IMMP2L: variants seen among roughly 807,000 people sequenced by gnomAD.
The protein encoded by IMMP2L is inner mitochondrial membrane peptidase subunit 2, also known as mitochondrial inner membrane protease subunit 2.
A neutral mutation model predicts 19.3 loss-of-function variants in IMMP2L; 18 were observed. The ratio of observed to expected loss-of-function variants is 0.93; its 90% CI spans 0.64 to 1.38. IMMP2L has a LOEUF of 1.38. IMMP2L is among the 40% of genes most tolerant of loss of function. IMMP2L has a pLI of 0.00. For synonymous variants in IMMP2L, 76 were observed against 73.0 expected, an observed-to-expected ratio of 1.04 and a Z score of -0.21; for missense variants, 233 against 218.2, an observed-to-expected ratio of 1.07 and a Z score of -0.43.
intron 2 of IMMP2L, among the ~76,000 whole-genome samples, chr7:111,518,308 C>T (rs754129645): frequency 1.3e-5 from 2 of 152,070 alleles, no homozygotes; most frequent in Non-Finnish European, 2.9e-5. Context: ...AAGTGAATTT[C>T]CAGTGTAACC....
At chr7:110,927,150 G>A (rs146707695) in intron 4 of IMMP2L, among the ~76,000 whole-genome samples, 226 of 151,374 alleles carry the variant, frequency 1.5e-3, no homozygotes, top group African/African-American at 5.0e-3. Flanking sequence ...CTATTCTCCC[G>A]CCCATCTTTT....
intron 3 of IMMP2L, among the ~76,000 whole-genome samples, chr7:111,074,574 T>C (rs947739946): frequency 7.2e-5 from 11 of 152,212 alleles, no homozygotes; most frequent in African/African-American, 2.7e-4. Context: ...CTCTGAACAA[T>C]ATTTAGATCA....
chr7:111,233,358 C>G (rs767761476), intron 3 of IMMP2L, among the ~76,000 whole-genome samples: 3 of 151,982 alleles, frequency 2.0e-5, no homozygotes, highest in Non-Finnish European at 4.4e-5. Flanking sequence ...ATAAAGACCT[C>G]AAATTGCTTT....
intron 2 of IMMP2L, among the ~76,000 whole-genome samples, chr7:111,504,426 C>T (rs979164005): frequency 6.6e-6 from 1 of 151,490 alleles, no homozygotes; most frequent in African/African-American, 2.4e-5. Context: ...AATGCCATCC[C>T]CATCAAGCTA....
intron 3 of IMMP2L, among the ~76,000 whole-genome samples, chr7:111,468,962 A>G (rs1395953086): frequency 3.9e-5 from 6 of 152,152 alleles, no homozygotes; most frequent in Admixed American, 3.9e-4. Flanking sequence ...AGTCTGAGGA[A>G]TATCATCATA....
At chr7:110,986,430 C>CT (rs1446542978) in intron 3 of IMMP2L, among the ~76,000 whole-genome samples, 4 of 152,100 alleles carry the variant, frequency 2.6e-5, no homozygotes, top group South Asian at 2.1e-4. Context: ...GCATATTTAC[C>CT]TTTTTTAAAG....
At chr7:110,917,222 A>C (rs1180920569) in intron 4 of IMMP2L, among the ~76,000 whole-genome samples, 2 of 152,160 alleles carry the variant, frequency 1.3e-5, no homozygotes, top group Non-Finnish European at 2.9e-5. Context: ...AAGGAAGGGA[A>C]TCTCTGGAGG....
intron 5 of IMMP2L, among the ~76,000 whole-genome samples, chr7:110,713,984 T>G (rs573353210): frequency 1.3e-5 from 2 of 152,308 alleles, no homozygotes; most frequent in Admixed American, 1.3e-4. Flanking sequence ...GTAGTGAGAA[T>G]GGGCATCCTT....
At chr7:111,302,686 A>T (rs1317294125) in intron 3 of IMMP2L, among the ~76,000 whole-genome samples, 1 of 152,162 alleles carries the variant, frequency 6.6e-6, no homozygotes, top group Non-Finnish European at 1.5e-5. Context: ...GTAATGAAAT[A>T]AAGAATTTGT....
At chr7:110,715,225 T>C (rs1456022790) in intron 5 of IMMP2L, among the ~76,000 whole-genome samples, 4 of 152,218 alleles carry the variant, frequency 2.6e-5, no homozygotes, top group Admixed American at 1.3e-4. Context: ...AACCAACTTT[T>C]GGTTTTGTGA....
chr7:111,262,368 G>A (rs1185203350), intron 3 of IMMP2L, among the ~76,000 whole-genome samples: 1 of 152,068 alleles, frequency 6.6e-6, no homozygotes, highest in Non-Finnish European at 1.5e-5. Context: ...CCTGAATGAA[G>A]TGAATGAGCC....
chr7:111,382,301 C>A (rs538971851), intron 3 of IMMP2L, among the ~76,000 whole-genome samples: 4 of 151,162 alleles, frequency 2.6e-5, no homozygotes, highest in African/African-American at 9.8e-5. Flanking sequence ...GAATCAAATA[C>A]AAAAGAAAAG....
chr7:111,450,068 A>G (rs1838962776), intron 3 of IMMP2L, among the ~76,000 whole-genome samples: 1 of 151,910 alleles, frequency 6.6e-6, no homozygotes, highest in Non-Finnish European at 1.5e-5. Flanking sequence ...GGAGGATACA[A>G]ACAAATGGAA....
chr7:111,352,606 A>T (rs1159230186), intron 3 of IMMP2L, among the ~76,000 whole-genome samples: 1 of 152,068 alleles, frequency 6.6e-6, no homozygotes, highest in African/African-American at 2.4e-5. Context: ...ATAAGCTTAC[A>T]TCATTCTGAT....
intron 3 of IMMP2L, among the ~76,000 whole-genome samples, chr7:111,150,640 T>C (rs1463695263): frequency 6.6e-6 from 1 of 152,164 alleles, no homozygotes. Context: ...GCACTCAAAA[T>C]ACTCATTACT....
chr7:111,141,651 C>T (rs1802907640), intron 3 of IMMP2L, among the ~76,000 whole-genome samples: 1 of 152,116 alleles, frequency 6.6e-6, no homozygotes, highest in Non-Finnish European at 1.5e-5. Flanking sequence ...TCCTCATTGG[C>T]ATTTTAGTGA....
chr7:111,370,726 C>T lies in IMMP2L; in HGVS notation c.239+116512G>A, dbSNP rs562397531. 2.6e-3 allele frequency among the ~76,000 whole-genome samples: 400 copies of T among 151,954 alleles called. 3 individuals carry two copies. Among genetic ancestry groups the T allele is most frequent in the African/African-American group, 9.4e-3 (392 of 41,512 alleles). The stretch of plus-strand genomic sequence containing the variant: ...GCTTGACAAAAAGGCAGCATGTTAA[C>T]GAGATTCCCCTAAACCAGTTTAGTA... On this transcript the variant is annotated intron_variant, in intron 3 of 5. Coordinates refer to ENST00000405709, the MANE Select transcript of IMMP2L (RefSeq NM_032549.4).
intron 4 of IMMP2L, chr7:110,963,202 C>G (rs1483683724): frequency 3.8e-6 from 3 of 794,664 alleles, no homozygotes; most frequent in Admixed American, 3.2e-5. Flanking sequence ...TTAAAATAGT[C>G]ATGCTACTTT....
At chr7:110,701,299 C>A (rs532183511) in intron 5 of IMMP2L, among the ~76,000 whole-genome samples, 78 of 152,288 alleles carry the variant, frequency 5.1e-4, no homozygotes, top group African/African-American at 1.8e-3. Flanking sequence ...AAATTACTAT[C>A]ACTTTTAGCA....
Sources: allele counts gnomAD v4.1 joint callset (sites outside exome capture counted in the v4.1 genomes callset), GRCh38; gene constraint gnomAD v4.1.1; transcripts MANE v1.5; gene names NCBI Gene and HGNC (gene_info 2026-07-23, HGNC 2026-07-21).